GRIA1: variants seen among roughly 807,000 people sequenced by gnomAD.
GRIA1 encodes glutamate ionotropic receptor AMPA type subunit 1.
In GRIA1, 31 loss-of-function variants were observed where a neutral mutation model predicts 99.2. The observed-to-expected ratio is 0.31, with a 90% CI of 0.23 to 0.42. The LOEUF is 0.42. Ranked by LOEUF, GRIA1 falls within the 10% of genes least tolerant of loss-of-function variation. The pLI, the probability that GRIA1 is intolerant of heterozygous loss-of-function variation, is 1.00. For missense variants in GRIA1, 782 were observed against 1,157.5 expected (o/e 0.68, Z 4.71); for synonymous variants, 438 against 432.4 (o/e 1.01, Z -0.16).
intron 11 of GRIA1, among the ~76,000 whole-genome samples, chr5:153,743,458 T>TTTA (rs1284250436): frequency 6.6e-6 from 1 of 152,122 alleles, no homozygotes; most frequent in Non-Finnish European, 1.5e-5. Context: ...ACTCCTTTCT[T>TTTA]TTATTAGCAA....
chr5:153,512,063 C>T (rs1354743478), intron 2 of GRIA1, among the ~76,000 whole-genome samples: 3 of 152,074 alleles, frequency 2.0e-5, no homozygotes, highest in Admixed American at 6.6e-5. Context: ...CAACATATAA[C>T]GTCAATGTCA....
intron 2 of GRIA1, among the ~76,000 whole-genome samples, chr5:153,498,972 C>G (rs542161): frequency 0.77 from 117,239 of 152,082 alleles, 45,789 homozygotes; most frequent in African/African-American, 0.9. Flanking sequence ...TTATTATTTT[C>G]TTCTAATAAT....
At chr5:153,691,433 A>T (rs1157930599) in intron 8 of GRIA1, among the ~76,000 whole-genome samples, 2 of 152,108 alleles carry the variant, frequency 1.3e-5, no homozygotes, top group Non-Finnish European at 2.9e-5. Flanking sequence ...GGGTGGAGGA[A>T]TCTACTTCTC....
At chr5:153,650,157 C>T (rs1016835776) in intron 3 of GRIA1, among the ~76,000 whole-genome samples, 173 bp from the exon 4 acceptor site, 4 of 152,178 alleles carry the variant, frequency 2.6e-5, no homozygotes, top group Admixed American at 6.5e-5. Context: ...TGTTCAGAAA[C>T]ACAGTGTCTG....
chr5:153,512,083 A>T (rs1330998213), intron 2 of GRIA1, among the ~76,000 whole-genome samples: 1 of 152,194 alleles, frequency 6.6e-6, no homozygotes, highest in Non-Finnish European at 1.5e-5. Flanking sequence ...AAAAATACGA[A>T]AGAGGCAGGT....
At chr5:153,601,400 T>C (rs1764947510) in intron 2 of GRIA1, among the ~76,000 whole-genome samples, 1 of 152,208 alleles carries the variant, frequency 6.6e-6, no homozygotes, top group Non-Finnish European at 1.5e-5. Context: ...TTTTTTAATA[T>C]CTTACAGCCC....
chr5:153,674,777 G>A, intron 6 of GRIA1, 116 bp downstream of exon 6: 2 of 1,079,234 alleles, frequency 1.9e-6, no homozygotes, highest in Non-Finnish European at 1.3e-6. Flanking sequence ...AACAAATTCA[G>A]GGAAATATAT....
intron 6 of GRIA1, among the ~76,000 whole-genome samples, 158 bp from the exon 7 acceptor site, chr5:153,676,836 C>A (rs1453117845): frequency 6.6e-6 from 1 of 152,158 alleles, no homozygotes; most frequent in Non-Finnish European, 1.5e-5. Flanking sequence ...CTCAGGGACA[C>A]CATCCCTGAT....
At chr5:153,779,314 C>T (rs1764483655) in intron 13 of GRIA1, among the ~76,000 whole-genome samples, 1 of 152,142 alleles carries the variant, frequency 6.6e-6, no homozygotes. Flanking sequence ...CTCTGAAATC[C>T]TCATTCTTTC....
At chr5:153,605,369 T>C (rs1020425042) in intron 2 of GRIA1, among the ~76,000 whole-genome samples, 1 of 152,242 alleles carries the variant, frequency 6.6e-6, no homozygotes, top group Non-Finnish European at 1.5e-5. Context: ...TAGGATTCTA[T>C]TGTATGAGTA....
intron 2 of GRIA1, among the ~76,000 whole-genome samples, chr5:153,642,825 T>A (rs1173628135): frequency 6.6e-6 from 1 of 152,178 alleles, no homozygotes; most frequent in Admixed American, 6.5e-5. Context: ...TATCTGACAA[T>A]GTAGTCTCCA....
chr5:153,578,998 C>G (rs1762814218), intron 2 of GRIA1, among the ~76,000 whole-genome samples: 1 of 148,632 alleles, frequency 6.7e-6, no homozygotes, highest in Non-Finnish European at 1.5e-5. Flanking sequence ...AAGGATTAAA[C>G]TACTGATTGT....
chr5:153,585,669 T>C lies in GRIA1; in HGVS notation c.221-61259T>C, dbSNP rs557693677. On this transcript the variant is annotated intron_variant, in intron 2 of 15. Transcript: ENST00000285900. ...TTTCATTGTTACTGTTTTTGGAATA[T>C]AAATCAGGCTTATTGCCCCTTTGGA... Among the ~76,000 whole-genome samples the C allele has an allele frequency of 2.3e-4, 35 of 152,234 alleles. No individual in the cohort carries two copies. The South Asian group carries it at 7.3e-3, about 32-fold the overall frequency.
intron 2 of GRIA1, among the ~76,000 whole-genome samples, chr5:153,594,544 T>C (rs1764261132): frequency 6.6e-6 from 1 of 152,148 alleles, no homozygotes; most frequent in African/African-American, 2.4e-5. Flanking sequence ...GTTTTTTTAA[T>C]GTGTTCTTTT....
chr5:153,619,512 CAT>C (rs1478148384), intron 2 of GRIA1, among the ~76,000 whole-genome samples: 6 of 152,026 alleles, frequency 3.9e-5, no homozygotes, highest in Non-Finnish European at 7.4e-5. Context: ...CAGGCAGTGA[CAT>C]AGCCCATGGT....
chr5:153,795,406 T>C, intron 14 of GRIA1: 1 of 826,190 alleles, frequency 1.2e-6, no homozygotes. Flanking sequence ...TGTGAATGAA[T>C]ACTGTCTGTG....
chr5:153,724,136 G>C (rs1304145494), intron 11 of GRIA1, among the ~76,000 whole-genome samples: 3 of 152,160 alleles, frequency 2.0e-5, no homozygotes, highest in South Asian at 2.1e-4. Flanking sequence ...AGGCAAACAG[G>C]GTCTGGAGTG....
chr5:153,555,526 C>A (rs1192014022), intron 2 of GRIA1, among the ~76,000 whole-genome samples: 2 of 152,286 alleles, frequency 1.3e-5, no homozygotes, highest in East Asian at 3.9e-4. Context: ...TGTTACATAA[C>A]CACTTCTCCT....
At chr5:153,804,512 T>C (rs1460155205) in intron 15 of GRIA1, among the ~76,000 whole-genome samples, 3 of 152,164 alleles carry the variant, frequency 2.0e-5, no homozygotes, top group African/African-American at 4.8e-5. Flanking sequence ...ACCTTCTCTA[T>C]AGACCATGAC....
Sources: allele counts gnomAD v4.1 joint callset (sites outside exome capture counted in the v4.1 genomes callset), GRCh38; gene constraint gnomAD v4.1.1; transcripts MANE v1.5; gene names NCBI Gene and HGNC (gene_info 2026-07-23, HGNC 2026-07-21).